BCO2: variants seen among roughly 807,000 people sequenced by gnomAD.
BCO2 encodes carotenoid-cleaving dioxygenase, mitochondrial.
In BCO2, 56 loss-of-function variants were observed where a neutral mutation model predicts 65.8. The observed-to-expected ratio is 0.85, with a 90% CI of 0.69 to 1.06. The LOEUF is 1.06. Among genes scored for constraint, BCO2 ranks in the 50% least tolerant of loss-of-function variants. The probability of loss-of-function intolerance (pLI) is 0.00; values close to 1 mark genes in which losing one functional copy is unlikely to be tolerated. For synonymous variants in BCO2, 233 were observed against 242.3 expected, an observed-to-expected ratio of 0.96 and a Z score of 0.36; for missense variants, 675 against 698.5, an observed-to-expected ratio of 0.97 and a Z score of 0.38.
Position 112,217,927 on chromosome 11 carries a change from C to A in BCO2, c.*53C>A. 2 of 1,296,330 alleles carry A rather than the reference C, an allele frequency of 1.5e-6. No individual in the cohort carries two copies. Among genetic ancestry groups the A allele is most frequent in the East Asian group, 2.3e-5 (1 of 42,874 alleles). 80.3% of individuals were successfully genotyped at this position (1,296,330 alleles called of 1,614,324 possible). ...GGTTTAAAATAAGTGTGCACTTGGACATAAAGACTGGAGAAATAAACACTG... is the reference window on the plus strand; with the variant it reads ...GGTTTAAAATAAGTGTGCACTTGGAAATAAAGACTGGAGAAATAAACACTG... On this transcript the variant is annotated 3_prime_UTR_variant, in exon 12 of 12. Transcript: ENST00000357685.
chr11:112,215,167 A>G (rs1859633850), intron 10 of BCO2: 1 of 536,760 alleles, frequency 1.9e-6, no homozygotes, highest in Non-Finnish European at 3.3e-6. Flanking sequence ...TTTGATTTTG[A>G]TGTTATTTTG....
At chr11:112,208,586 T>C in intron 8 of BCO2, 1 of 223,640 alleles carries the variant, frequency 4.5e-6, no homozygotes, top group Non-Finnish European at 8.9e-6. Context: ...AAACTGTCCC[T>C]TCTCGGGGGT....
In BCO2 at chr11:112,200,628, A is replaced by G. The variant is rs917625567; in HGVS notation, c.881A>G (p.Tyr294Cys). 17 of 1,609,188 alleles carry G rather than the reference A, an allele frequency of 1.1e-5. No individual in the cohort carries two copies. Among genetic ancestry groups the G allele is most frequent in the South Asian group, 7.7e-5 (7 of 90,386 alleles). The change falls in exon 7 of 12, where the codon TAT becomes TGT. Residue 294 changes from tyrosine (Y) to cysteine (C), a missense_variant. Coordinates refer to ENST00000357685, the MANE Select transcript of BCO2 (RefSeq NM_031938.7). ...YYHSFGMTRN[Y>C]IIFIEQPLKM... ...AACCTTTTAGGAATGACAAGGAACT[A>G]TATAATTTTCATTGAACAACCTCTA...
chr11:112,183,006 A>G (rs577156384), intron 2 of BCO2: 5 of 1,075,740 alleles, frequency 4.6e-6, no homozygotes, highest in African/African-American at 3.1e-5. Flanking sequence ...GAGGGTGGCT[A>G]CATTAAAAAA....
intron 8 of BCO2, among the ~76,000 whole-genome samples, chr11:112,203,587 T>G (rs1867790207): frequency 2.0e-5 from 3 of 152,200 alleles, no homozygotes; most frequent in African/African-American, 7.2e-5. Context: ...ACATGTTACT[T>G]TTTTGTGTGA....
At chr11:112,196,392 TA>T (rs1201408930) in intron 5 of BCO2, among the ~76,000 whole-genome samples, 1 of 152,220 alleles carries the variant, frequency 6.6e-6, no homozygotes, top group African/African-American at 2.4e-5. Flanking sequence ...TGTAATACAG[TA>T]AAATGCTTGC....
intron 2 of BCO2, chr11:112,181,490 T>A: frequency 1.4e-6 from 1 of 713,376 alleles, no homozygotes; most frequent in South Asian, 1.4e-5. Flanking sequence ...CGAGCTTTCT[T>A]AATTGACCGA....
At chr11:112,207,169 C>T (rs1033917275) in intron 8 of BCO2, among the ~76,000 whole-genome samples, 27 of 152,238 alleles carry the variant, frequency 1.8e-4, no homozygotes, top group East Asian at 1.3e-3. Flanking sequence ...TTCTTTTTCT[C>T]GCCTTACTGT....
chr11:112,205,859 A>T (rs778548969), intron 8 of BCO2, among the ~76,000 whole-genome samples: 25 of 152,150 alleles, frequency 1.6e-4, no homozygotes, highest in Non-Finnish European at 3.2e-4. Context: ...TCAGCCTCCC[A>T]AAGTGCTGGG....
At chr11:112,183,207 G>A (rs1867104414) in intron 2 of BCO2, 1 of 818,468 alleles carries the variant, frequency 1.2e-6, no homozygotes, top group East Asian at 2.4e-5. Flanking sequence ...TTTAGGGACT[G>A]GAGGAAGATC....
chr11:112,176,689 A>G (rs1177967579), intron 1 of BCO2, among the ~76,000 whole-genome samples: 1 of 152,164 alleles, frequency 6.6e-6, no homozygotes, highest in Non-Finnish European at 1.5e-5. Context: ...AGGAGCCCAT[A>G]AAGGGAATTA....
intron 2 of BCO2, among the ~76,000 whole-genome samples, chr11:112,182,514 T>A (rs1031555814): frequency 6.6e-6 from 1 of 152,176 alleles, no homozygotes; most frequent in African/African-American, 2.4e-5. Flanking sequence ...TGGAATACTA[T>A]GCAGCCATAA....
rs753973136 is a variant in BCO2 at position 112,194,725 on chromosome 11, T to A, written c.706T>A (p.Tyr236Asn). The change falls in exon 5 of 12, where the codon TAC becomes AAC. Residue 236 changes from tyrosine to asparagine, a missense_variant. By Grantham distance (143) the Tyr-to-Asn change is moderately radical. Transcript: ENST00000357685. ...TCATTATGACCTGGATGGAACAGCATACAATATGGGGAACTCCTTTGGGCC... is the reference window on the plus strand; with the variant it reads ...TCATTATGACCTGGATGGAACAGCAAACAATATGGGGAACTCCTTTGGGCC... The part of the protein sequence containing the change: ...HPHYDLDGTA[Y>N]NMGNSFGPYG... 7.4e-6 allele frequency: 12 copies of A among 1,611,622 alleles called. No homozygotes were observed. The highest frequency in any genetic ancestry group is 3.3e-4 in the Middle Eastern group (2 of 6,078).
chr11:112,215,017 A>G (rs1181261982), intron 10 of BCO2, 73 bp downstream of exon 10: 14 of 1,421,982 alleles, frequency 9.8e-6, no homozygotes, highest in Non-Finnish European at 1.3e-5. Context: ...TGTTTTATTT[A>G]AAGTAGCTCT....
At chr11:112,181,896 A>G in intron 2 of BCO2, 1 of 787,266 alleles carries the variant, frequency 1.3e-6, no homozygotes, top group South Asian at 1.5e-5. Context: ...TGACTGTGCA[A>G]ATATCCAGGG....
chr11:112,176,009 T>C, intron 1 of BCO2: 1 of 228,554 alleles, frequency 4.4e-6, no homozygotes, highest in East Asian at 8.7e-5. Context: ...GAAAAATCAC[T>C]GCCACACGTT....
intron 2 of BCO2, chr11:112,182,850 T>TAC: frequency 3.5e-6 from 3 of 854,610 alleles, no homozygotes; most frequent in Admixed American, 4.2e-5. Flanking sequence ...CTTATATATA[T>TAC]ATAAAAAGAT....
At chr11:112,186,716 G>A (rs527722270) in intron 2 of BCO2, among the ~76,000 whole-genome samples, 2 of 152,162 alleles carry the variant, frequency 1.3e-5, no homozygotes, top group Admixed American at 6.5e-5. Flanking sequence ...TGAAGGCTGG[G>A]TGTGGTTGAT....
At chr11:112,217,600 A>G (rs1180837316) in intron 11 of BCO2, among the ~76,000 whole-genome samples, 161 bp from the exon 12 acceptor site, 1 of 152,098 alleles carries the variant, frequency 6.6e-6, no homozygotes, top group Non-Finnish European at 1.5e-5. Flanking sequence ...ATCTCAAGCA[A>G]TCCACCCACC....
Sources: gnomAD v4.1 joint callset for allele counts (sites outside exome capture counted in the v4.1 genomes callset) on GRCh38, gnomAD v4.1.1 for gene constraint, MANE v1.5 for transcripts, NCBI Gene and HGNC (gene_info 2026-07-23, HGNC 2026-07-21) for gene names.